The following MAGI2 variants were observed in gnomAD, a reference collection of about 807,000 sequenced individuals.
The protein encoded by MAGI2 is membrane associated guanylate kinase, WW and PDZ domain containing 2, also known as membrane-associated guanylate kinase, WW and PDZ domain-containing protein 2.
In MAGI2, 35 loss-of-function variants were observed where a neutral mutation model predicts 133.3. The observed-to-expected ratio is 0.26, with a 90% CI of 0.20 to 0.35. The LOEUF (loss-of-function observed/expected upper bound fraction) is 0.35. Ranked by LOEUF, MAGI2 falls within the 10% of genes least tolerant of loss-of-function variation. MAGI2 has a pLI of 1.00. For synonymous variants in MAGI2, 729 were observed against 710.6 expected (o/e 1.03, Z -0.41); for missense variants, 1,636 against 1,863.4 (o/e 0.88, Z 2.25).
At chr7:79,413,267 C>T (rs1440783004) in intron 1 of MAGI2, 1 of 152,122 alleles carries the variant, frequency 6.6e-6, no homozygotes, top group African/African-American at 2.4e-5. Context: ...ACAAATAAAT[C>T]CAGTTCCTCA....
At chr7:79,163,651 C>T (rs1237437362) in intron 1 of MAGI2, among the ~76,000 whole-genome samples, 1 of 152,000 alleles carries the variant, frequency 6.6e-6, no homozygotes, top group African/African-American at 2.4e-5. Context: ...TTAAATAACC[C>T]TGATAAGGAA....
intron 1 of MAGI2, chr7:79,010,782 AT>A (rs2116571714): frequency 6.6e-6 from 1 of 152,224 alleles, no homozygotes; most frequent in Non-Finnish European, 1.5e-5. Flanking sequence ...TGTGAAAAAA[AT>A]TTTATTTCCT....
chr7:79,384,707 T>A (rs934978492), intron 1 of MAGI2, among the ~76,000 whole-genome samples: 1 of 151,628 alleles, frequency 6.6e-6, no homozygotes, highest in Non-Finnish European at 1.5e-5. Context: ...ATGACAATCA[T>A]CTCCATAAAG....
intron 9 of MAGI2, among the ~76,000 whole-genome samples, chr7:78,262,262 TA>T (rs1225423123): frequency 2.0e-5 from 3 of 152,340 alleles, no homozygotes; most frequent in East Asian, 1.9e-4. Flanking sequence ...TAACAGATGA[TA>T]AAAAATTCCT....
intron 2 of MAGI2, among the ~76,000 whole-genome samples, chr7:78,788,327 C>T (rs1444216113): frequency 6.6e-6 from 1 of 152,174 alleles, no homozygotes; most frequent in African/African-American, 2.4e-5. Flanking sequence ...CTTACCTATT[C>T]CAGATTCCCA....
At chr7:78,124,777 T>C (rs1166074026) in intron 20 of MAGI2, among the ~76,000 whole-genome samples, 1 of 152,160 alleles carries the variant, frequency 6.6e-6, no homozygotes, top group African/African-American at 2.4e-5. Context: ...GAAGAATCAG[T>C]TACCCATCAA....
chr7:78,355,120 G>A (rs1018685512), intron 7 of MAGI2, among the ~76,000 whole-genome samples: 3 of 152,180 alleles, frequency 2.0e-5, no homozygotes, highest in Non-Finnish European at 2.9e-5. Flanking sequence ...GAAGATCAAA[G>A]CTTTGGACAA....
intron 6 of MAGI2, among the ~76,000 whole-genome samples, chr7:78,435,238 T>C (rs1039703171): frequency 2.0e-5 from 3 of 152,152 alleles, no homozygotes; most frequent in Non-Finnish European, 2.9e-5. Flanking sequence ...TAATAAATGT[T>C]CACTAAATGC....
At position 78,127,239 on chromosome 7, in the gene MAGI2, G is replaced by A. The variant is rs144084071; in HGVS notation, c.3381C>T (p.Pro1127=). 5.7e-5 allele frequency: 91 copies of A among 1,605,256 alleles called. No homozygotes were observed. In the South Asian group the frequency reaches 5.7e-4, roughly 10 times the overall value. The stretch of plus-strand genomic sequence containing the variant: ...CCGACAGAGGGTACTGCCTGGTGTC[G>A]GGGGAGTGCTGCCTGTAGTCCAGTA... ...PPLLDYRQHS[P]DTRQYPLSDY... Residue 1127 remains proline (P), a synonymous_variant, in exon 19 of 22, where the codon CCC becomes CCT. Coordinates refer to ENST00000354212, the MANE Select transcript of MAGI2 (RefSeq NM_012301.4).
chr7:78,380,385 T>C (rs1033981264), intron 6 of MAGI2, among the ~76,000 whole-genome samples: 3 of 152,078 alleles, frequency 2.0e-5, no homozygotes, highest in Non-Finnish European at 4.4e-5. Context: ...AGATGTGCTA[T>C]ATATATACAA....
chr7:78,846,969 C>A (rs1011912669), intron 2 of MAGI2, among the ~76,000 whole-genome samples: 4 of 151,804 alleles, frequency 2.6e-5, no homozygotes, highest in African/African-American at 9.7e-5. Flanking sequence ...AGGTCCCAAC[C>A]CCAACTTTCT....
At chr7:78,129,488 A>G (rs1002244314) in intron 18 of MAGI2, among the ~76,000 whole-genome samples, 3 of 152,260 alleles carry the variant, frequency 2.0e-5, no homozygotes, top group South Asian at 2.1e-4. Flanking sequence ...AAAGAAGATC[A>G]TCAAAACCCT....
intron 5 of MAGI2, among the ~76,000 whole-genome samples, chr7:78,493,419 G>C (rs1350960231): frequency 6.6e-6 from 1 of 152,158 alleles, no homozygotes; most frequent in Non-Finnish European, 1.5e-5. Context: ...ATTGTCTACT[G>C]TGTCAGGGAA....
intron 16 of MAGI2, among the ~76,000 whole-genome samples, chr7:78,145,131 C>T (rs988276880): frequency 1.3e-5 from 2 of 152,090 alleles, no homozygotes; most frequent in Non-Finnish European, 2.9e-5. Flanking sequence ...TGATTGAATT[C>T]TGGCTTAGAA....
chr7:78,695,145 A>C (rs886283646), intron 2 of MAGI2, among the ~76,000 whole-genome samples: 22 of 152,136 alleles, frequency 1.4e-4, no homozygotes, highest in African/African-American at 4.8e-4. Flanking sequence ...GAATTGCTTG[A>C]ACCAGGGAGG....
chr7:78,573,070 T>TAC (rs1283703105), intron 3 of MAGI2, among the ~76,000 whole-genome samples: 7 of 81,206 alleles, frequency 8.6e-5, no homozygotes, highest in Non-Finnish European at 1.1e-4. Context: ...TATATATATA[T>TAC]ATATATACAC....
intron 3 of MAGI2, among the ~76,000 whole-genome samples, chr7:78,602,702 A>G (rs752701359): frequency 1.3e-5 from 2 of 152,194 alleles, no homozygotes; most frequent in Non-Finnish European, 2.9e-5. Context: ...AGAGCCATGT[A>G]TGTGATTATG....
chr7:79,186,639 A>T (rs1025075341), intron 1 of MAGI2, among the ~76,000 whole-genome samples: 1 of 142,524 alleles, frequency 7.0e-6, no homozygotes. Context: ...CTTTCGTATA[A>T]GTGCATATAT....
At chr7:79,446,339 A>G (rs991173260) in intron 1 of MAGI2, among the ~76,000 whole-genome samples, 2 of 152,186 alleles carry the variant, frequency 1.3e-5, no homozygotes, top group Non-Finnish European at 2.9e-5. Context: ...AAAATTCAAC[A>G]TAGACAAAAT....
Sources: gnomAD v4.1 joint callset for allele counts (sites outside exome capture counted in the v4.1 genomes callset) on GRCh38, gnomAD v4.1.1 for gene constraint, MANE v1.5 for transcripts, NCBI Gene and HGNC (gene_info 2026-07-23, HGNC 2026-07-21) for gene names.